Variants in TSPAN12 observed in about 807,000 individuals in gnomAD.
TSPAN12 encodes the protein tetraspanin 12.
Under a neutral mutation model 39.2 loss-of-function variants are expected in TSPAN12, and 19 were observed. The ratio of observed to expected loss-of-function variants is 0.49; its 90% CI spans 0.34 to 0.71. The LOEUF is 0.71. Ranked by LOEUF, TSPAN12 falls within the 30% of genes least tolerant of loss-of-function variation. The pLI is 0.01. For missense variants in TSPAN12, 314 were observed against 359.9 expected, an observed-to-expected ratio of 0.87 and a Z score of 1.03; for synonymous variants, 119 against 124.8, an observed-to-expected ratio of 0.95 and a Z score of 0.31.
chr7:120,827,204 T>C (rs942125335), intron 4 of TSPAN12, among the ~76,000 whole-genome samples: 1 of 152,188 alleles, frequency 6.6e-6, no homozygotes, highest in Non-Finnish European at 1.5e-5. Flanking sequence ...TTTTTTTTGC[T>C]TTCAAACAAG....
At chr7:120,820,331 T>A (rs1026714101) in intron 4 of TSPAN12, among the ~76,000 whole-genome samples, 2 of 152,150 alleles carry the variant, frequency 1.3e-5, no homozygotes, top group Admixed American at 1.3e-4. Flanking sequence ...AACCCCCTTT[T>A]ACAGTTGCCA....
chr7:120,827,098 T>C (rs1311673213), intron 4 of TSPAN12, among the ~76,000 whole-genome samples: 3 of 151,300 alleles, frequency 2.0e-5, no homozygotes, highest in Non-Finnish European at 4.4e-5. Context: ...AGACGTTAGA[T>C]TAGGCGAAAG....
intron 4 of TSPAN12, among the ~76,000 whole-genome samples, chr7:120,817,560 C>A (rs573324361): frequency 6.6e-6 from 1 of 152,134 alleles, no homozygotes; most frequent in Non-Finnish European, 1.5e-5. Context: ...ATTTTACAAA[C>A]AAGAAAATTA....
intron 2 of TSPAN12, among the ~76,000 whole-genome samples, chr7:120,852,960 G>T (rs1794797188): frequency 6.6e-6 from 1 of 152,190 alleles, no homozygotes; most frequent in Non-Finnish European, 1.5e-5. Flanking sequence ...TCCAGCACAG[G>T]CTGAAAACAC....
At chr7:120,856,285 T>A (rs1171876979) in intron 2 of TSPAN12, among the ~76,000 whole-genome samples, 1 of 152,148 alleles carries the variant, frequency 6.6e-6, no homozygotes, top group East Asian at 1.9e-4. Flanking sequence ...ACAAAAAATA[T>A]ATTAAGACTT....
At chr7:120,818,083 C>T (rs1794118853) in intron 4 of TSPAN12, among the ~76,000 whole-genome samples, 2 of 151,988 alleles carry the variant, frequency 1.3e-5, no homozygotes, top group African/African-American at 4.8e-5. Context: ...GCTGTTAAGA[C>T]TTCAGAAAAA....
chr7:120,853,469 C>A, intron 2 of TSPAN12, among the ~76,000 whole-genome samples: 1 of 110,530 alleles, frequency 9.0e-6, no homozygotes. Flanking sequence ...TCAAGAAATG[C>A]AGATATATAT....
chr7:120,791,919 C>A (rs1289066709), intron 7 of TSPAN12, among the ~76,000 whole-genome samples: 1 of 152,050 alleles, frequency 6.6e-6, no homozygotes, highest in East Asian at 1.9e-4. Flanking sequence ...AGTGACATAG[C>A]AAAACTGGCA....
At chr7:120,806,931 A>G (rs768622705) in intron 6 of TSPAN12, among the ~76,000 whole-genome samples, 7 of 152,120 alleles carry the variant, frequency 4.6e-5, no homozygotes, top group Non-Finnish European at 8.8e-5. Flanking sequence ...CAAATCAGGC[A>G]TGACTGAGAC....
At chr7:120,824,631 T>C (rs1197971585) in intron 4 of TSPAN12, among the ~76,000 whole-genome samples, 2 of 152,184 alleles carry the variant, frequency 1.3e-5, no homozygotes, top group Non-Finnish European at 2.9e-5. Flanking sequence ...AAGTAAATTT[T>C]TTCTTTTTAC....
At chr7:120,822,770 T>C (rs1378330901) in intron 4 of TSPAN12, among the ~76,000 whole-genome samples, 1 of 151,880 alleles carries the variant, frequency 6.6e-6, no homozygotes, top group Non-Finnish European at 1.5e-5. Flanking sequence ...CCTTCACCAA[T>C]AGAGATGCTT....
Position 120,815,797 on chromosome 7 carries a change from C to G in TSPAN12, c.292G>C (p.Gly98Arg), listed in dbSNP as rs1303267547. Residue 98 changes from glycine (G) to arginine (R), a missense_variant, in exon 5 of 8, where the codon GGA becomes CGA. Gly to Arg is a moderately radical substitution (Grantham distance 125). Coordinates refer to ENST00000222747, the MANE Select transcript of TSPAN12 (RefSeq NM_012338.4). ...ACACAGAAAATGACAAGCAAACTTC[C>G]AAAGTACTGTAGAAAAACAGAAAAG... is the stretch of plus-strand genomic sequence containing the variant. ...RNLLLLAWYF[G>R]SLLVIFCVEL... 6.2e-7 allele frequency: 1 copy of G among 1,612,110 alleles called. No individual in the cohort carries two copies. Among genetic ancestry groups the G allele is most frequent in the African/African-American group, 1.3e-5 (1 of 74,950 alleles).
intron 5 of TSPAN12, among the ~76,000 whole-genome samples, chr7:120,811,653 G>A (rs1165381201): frequency 6.7e-6 from 1 of 148,884 alleles, no homozygotes; most frequent in Non-Finnish European, 1.5e-5. Context: ...CTGGGTGACA[G>A]AGCGAGACTC....
intron 2 of TSPAN12, among the ~76,000 whole-genome samples, chr7:120,856,288 T>G: frequency 6.6e-6 from 1 of 152,130 alleles, no homozygotes; most frequent in East Asian, 1.9e-4. Context: ...AAAAATATAT[T>G]AAGACTTGGC....
At chr7:120,833,109 C>T (rs1359971396) in intron 4 of TSPAN12, among the ~76,000 whole-genome samples, 1 of 151,966 alleles carries the variant, frequency 6.6e-6, no homozygotes, top group African/African-American at 2.4e-5. Context: ...AATAGAGTTG[C>T]TGTGAGTATA....
At chr7:120,838,728 T>C (rs1164829640) in intron 4 of TSPAN12, 49 bp downstream of exon 4, 2 of 1,575,338 alleles carry the variant, frequency 1.3e-6, no homozygotes, top group Admixed American at 1.7e-5. Context: ...AATAATATAT[T>C]ACTGGTTAAT....
intron 7 of TSPAN12, among the ~76,000 whole-genome samples, chr7:120,791,327 T>G (rs577417245): frequency 6.7e-4 from 97 of 145,718 alleles, no homozygotes; most frequent in African/African-American, 2.3e-3. Context: ...AGACCTTGTC[T>G]CAAAAAAAAA....
chr7:120,806,191 T>C (rs982636917), intron 7 of TSPAN12, among the ~76,000 whole-genome samples: 1 of 152,024 alleles, frequency 6.6e-6, no homozygotes, highest in African/African-American at 2.4e-5. Context: ...AAATACGTAT[T>C]CTGTCCAGGA....
intron 4 of TSPAN12, among the ~76,000 whole-genome samples, chr7:120,835,239 G>A (rs1399262696): frequency 6.6e-6 from 1 of 152,136 alleles, no homozygotes; most frequent in Admixed American, 6.6e-5. Flanking sequence ...CATCAGTAAA[G>A]GCCCAGTGAG....
Sources: allele counts gnomAD v4.1 joint callset (sites outside exome capture counted in the v4.1 genomes callset), GRCh38; gene constraint gnomAD v4.1.1; transcripts MANE v1.5; gene names NCBI Gene and HGNC (gene_info 2026-07-23, HGNC 2026-07-21).